CACNA1C: variants seen among roughly 807,000 people sequenced by gnomAD.
CACNA1C encodes the protein voltage-dependent L-type calcium channel subunit alpha-1C.
Under a neutral mutation model 229.0 loss-of-function variants are expected in CACNA1C, and 30 were observed. That is an observed-to-expected ratio of 0.13 (90% CI 0.10 to 0.18). The LOEUF is 0.18. Ranked by LOEUF, CACNA1C falls within the 10% of genes least tolerant of loss-of-function variation. The pLI is 1.00. For synonymous variants in CACNA1C, 1,114 were observed against 1,132.5 expected (o/e 0.98, Z 0.33); for missense variants, 1,658 against 2,845.0 (o/e 0.58, Z 9.49).
chr12:2,409,361 G>T (rs544828847), intron 3 of CACNA1C, among the ~76,000 whole-genome samples: 5 of 152,074 alleles, frequency 3.3e-5, no homozygotes, highest in African/African-American at 1.2e-4. Context: ...TCATCCCTAG[G>T]GACCCATCCT....
intron 3 of CACNA1C, among the ~76,000 whole-genome samples, chr12:2,318,681 G>A (rs554292418): frequency 6.6e-6 from 1 of 152,244 alleles, no homozygotes; most frequent in South Asian, 2.1e-4. Flanking sequence ...ACAGGCAGGC[G>A]CCACACGGCA....
At chr12:2,427,367 A>G (rs2099042266) in intron 3 of CACNA1C, among the ~76,000 whole-genome samples, 1 of 152,154 alleles carries the variant, frequency 6.6e-6, no homozygotes, top group Non-Finnish European at 1.5e-5. Context: ...GTTATTTTTA[A>G]TATATTATTG....
chr12:2,171,493 T>C (rs1461933540), intron 3 of CACNA1C, among the ~76,000 whole-genome samples: 2 of 152,174 alleles, frequency 1.3e-5, no homozygotes, highest in Admixed American at 1.3e-4. Context: ...AGGTGGGGAC[T>C]CCACAGGGTT....
intron 1 of CACNA1C, among the ~76,000 whole-genome samples, chr12:2,112,737 A>ATGAG (rs1330516655): frequency 1.3e-5 from 2 of 152,174 alleles, no homozygotes; most frequent in Non-Finnish European, 2.9e-5. Flanking sequence ...GCTATGTGGC[A>ATGAG]TGAGTGATGC....
chr12:2,564,837 A>G (rs192117712), intron 11 of CACNA1C, among the ~76,000 whole-genome samples: 1 of 151,070 alleles, frequency 6.6e-6, no homozygotes, highest in Non-Finnish European at 1.5e-5. Context: ...AATTCCTCAT[A>G]CTCTCCCTGG....
chr12:2,013,050 G>A (rs887819830), intron 1 of CACNA1C, among the ~76,000 whole-genome samples: 1 of 152,170 alleles, frequency 6.6e-6, no homozygotes, highest in South Asian at 2.1e-4. Flanking sequence ...AGCCATAGTG[G>A]CATAATGTCT....
intron 20 of CACNA1C, chr12:2,596,243 C>T (rs761134246): frequency 2.4e-6 from 1 of 414,544 alleles, no homozygotes; most frequent in Non-Finnish European, 4.3e-6. Flanking sequence ...AAGATCAGGA[C>T]TTTCATTGCC....
At chr12:2,051,034 T>G (rs959444065), upstream of CACNA1C, among the ~76,000 whole-genome samples, 1 of 152,090 alleles carries the variant, frequency 6.6e-6, no homozygotes, top group African/African-American at 2.4e-5. Flanking sequence ...CAATAAGCAA[T>G]AAAGTTAATG....
intron 3 of CACNA1C, among the ~76,000 whole-genome samples, chr12:2,233,947 A>G (rs925975636): frequency 6.6e-6 from 1 of 152,166 alleles, no homozygotes; most frequent in Non-Finnish European, 1.5e-5. Context: ...AGTTAAGGTC[A>G]TTTGGATGGG....
intron 3 of CACNA1C, among the ~76,000 whole-genome samples, chr12:2,192,126 T>TCC (rs1323211366): frequency 2.0e-5 from 3 of 151,956 alleles, no homozygotes; most frequent in African/African-American, 7.3e-5. Flanking sequence ...CCTCCCTCCC[T>TCC]CTCACGGTTT....
chr12:2,568,186 A>G (rs1269511017), intron 13 of CACNA1C, among the ~76,000 whole-genome samples: 1 of 152,152 alleles, frequency 6.6e-6, no homozygotes, highest in African/African-American at 2.4e-5. Flanking sequence ...TCACATTCAA[A>G]TTGGAGGTGG....
chr12:2,234,040 T>C (rs2066362543), intron 3 of CACNA1C, among the ~76,000 whole-genome samples: 1 of 152,192 alleles, frequency 6.6e-6, no homozygotes, highest in Admixed American at 6.5e-5. Flanking sequence ...CTTTGGCTGT[T>C]TATTAGCATT....
chr12:2,414,989 C>G (rs571256072), intron 3 of CACNA1C, among the ~76,000 whole-genome samples: 8 of 152,296 alleles, frequency 5.3e-5, no homozygotes, highest in African/African-American at 1.4e-4. Flanking sequence ...CCACCGGGCT[C>G]TCTTCCCCAA....
chr12:2,012,279 C>T (rs567581538), intron 1 of CACNA1C, among the ~76,000 whole-genome samples: 10 of 152,246 alleles, frequency 6.6e-5, no homozygotes, highest in Non-Finnish European at 1.3e-4. Context: ...CTTACCCGGT[C>T]CCTCAAGCCT....
chr12:2,652,268 G>A (rs981764787), intron 32 of CACNA1C, among the ~76,000 whole-genome samples: 1 of 152,152 alleles, frequency 6.6e-6, no homozygotes. Context: ...GGTGTCCTCC[G>A]CTCGGCTAGA....
At chr12:2,233,663 A>G (rs1433459725) in intron 3 of CACNA1C, among the ~76,000 whole-genome samples, 1 of 152,202 alleles carries the variant, frequency 6.6e-6, no homozygotes, top group Non-Finnish European at 1.5e-5. Flanking sequence ...TTTCTGATAC[A>G]TAGATGGTTG....
intron 3 of CACNA1C, among the ~76,000 whole-genome samples, chr12:2,276,721 C>A (rs568096962): frequency 6.6e-6 from 1 of 152,126 alleles, no homozygotes; most frequent in Non-Finnish European, 1.5e-5. Context: ...ATAGGGTTCC[C>A]AACAGGATAG....
At chr12:2,308,042 TC>T (rs1360998702) in intron 3 of CACNA1C, among the ~76,000 whole-genome samples, 1 of 152,214 alleles carries the variant, frequency 6.6e-6, no homozygotes, top group Non-Finnish European at 1.5e-5. Context: ...ATGCAGTTCA[TC>T]CTTGGACTAC....
intron 1 of CACNA1C, among the ~76,000 whole-genome samples, chr12:1,998,623 C>G (rs78982355): frequency 0.018 from 2,671 of 152,266 alleles, 78 homozygotes; most frequent in African/African-American, 0.059. Context: ...CTGAGAAAAT[C>G]TGGGAGAGGT....
Sources: gnomAD v4.1 joint callset for allele counts (sites outside exome capture counted in the v4.1 genomes callset) on GRCh38, gnomAD v4.1.1 for gene constraint, MANE v1.5 for transcripts, NCBI Gene and HGNC (gene_info 2026-07-23, HGNC 2026-07-21) for gene names.